RTEL1: variants seen among roughly 807,000 people sequenced by gnomAD.
RTEL1 encodes the protein regulator of telomere elongation helicase 1, also known as regulator of telomere length.
In RTEL1, 86 loss-of-function variants were observed where a neutral mutation model predicts 162.2. That is an observed-to-expected ratio of 0.53 (90% CI 0.45 to 0.63). RTEL1 has a LOEUF of 0.63. RTEL1 is among the 30% of genes least tolerant of loss of function. The pLI is 0.00. For missense variants in RTEL1, 1,941 were observed against 1,750.2 expected (o/e 1.11, Z -1.95); for synonymous variants, 958 against 717.9 (o/e 1.33, Z -5.35).
intron 9 of RTEL1, 145 bp from the exon 10 acceptor site, chr20:63,673,795 T>C: frequency 1.2e-6 from 1 of 826,766 alleles, no homozygotes; most frequent in South Asian, 1.7e-5. Flanking sequence ...TGGACCTACT[T>C]GTGGCCTTTT....
At chr20:63,693,115 A>G (rs1400060225) in intron 29 of RTEL1, 28 bp from the exon 30 acceptor site, 1 of 1,612,186 alleles carries the variant, frequency 6.2e-7, no homozygotes. Flanking sequence ...AAAGGGGCAG[A>G]TGGGGACAGA....
intron 22 of RTEL1, 89 bp from the exon 23 acceptor site, chr20:63,689,413 G>A (rs1427059632): frequency 2.7e-5 from 38 of 1,407,956 alleles, no homozygotes; most frequent in South Asian, 1.5e-4. Context: ...GGTTGGGGAC[G>A]GAGCCTCGGG....
intron 4 of RTEL1, 109 bp downstream of exon 4, chr20:63,662,052 C>G (rs879384141): frequency 4.5e-6 from 4 of 896,504 alleles, no homozygotes; most frequent in Non-Finnish European, 7.2e-6. Context: ...GGTGGTCTTT[C>G]TAGACGCTCC....
intron 8 of RTEL1, 24 bp from the exon 9 acceptor site, chr20:63,672,532 G>A: frequency 6.4e-7 from 1 of 1,557,456 alleles, no homozygotes; most frequent in Non-Finnish European, 8.7e-7. Context: ...CTCCAGCGCT[G>A]CGTCCCTTCT....
chr20:63,693,591 TCCACCTCCA>T (rs1568721089), intron 30 of RTEL1, among the ~76,000 whole-genome samples: 12 of 3,550 alleles, frequency 3.4e-3, no homozygotes, highest in South Asian at 0.014. Flanking sequence ...CACCACCACC[TCCACCTCCA>T]CCACCACCAC....
Position 63,661,585 on chromosome 20 carries a change from C to G in RTEL1, c.301+89C>G. 3 of 1,292,364 alleles carry G rather than the reference C, an allele frequency of 2.3e-6. No individual in the cohort carries two copies. The highest frequency in any genetic ancestry group is 3.2e-6 in the Non-Finnish European group (3 of 937,738). The allele number at this position is 1,292,364 out of a possible 1,614,324, so 80.1% of individuals were successfully genotyped here. A position where few individuals can be genotyped will look rare whatever the true frequency, so the allele number is the denominator to read the frequency against. On this transcript the variant is annotated intron_variant, in intron 3 of 34. Transcript: ENST00000360203. This position sits in a 1 kb window ranked among gnomAD's most constrained non-coding sequence, Gnocchi z 5.1. The stretch of plus-strand genomic sequence containing the variant: ...AGGGTGGGGTGGGCCCATGGGGACT[C>G]CTGCCGTCTCTCAAGCAGAACTCAA...
rs1332732473 is a variant in RTEL1 at position 63,693,136 on chromosome 20, T to C, written c.2852-7T>C. 5 of 1,612,086 alleles carry C rather than the reference T, an allele frequency of 3.1e-6. No homozygotes were observed. The highest frequency in any genetic ancestry group is 4.2e-6 in the Non-Finnish European group (5 of 1,179,598). ...GCAGATGGGGACAGACGCCCCTTCC[T>C]CTACAGGCTTCTACCAGTTTGTGCG... On this transcript the variant is annotated splice_polypyrimidine_tract_variant and splice_region_variant and intron_variant, in intron 29 of 34. Coordinates refer to ENST00000360203, the MANE Select transcript of RTEL1 (RefSeq NM_001283009.2).
intron 10 of RTEL1, among the ~76,000 whole-genome samples, chr20:63,677,549 G>A (rs1177853251): frequency 6.6e-6 from 1 of 152,222 alleles, no homozygotes; most frequent in African/African-American, 2.4e-5. Context: ...GGACATGGAG[G>A]TTGCAGTGAG....
rs562774604 is a variant in RTEL1 at position 63,667,604 on chromosome 20, T to G, written c.699+51T>G. On this transcript the variant is annotated intron_variant, in intron 8 of 34. Transcript: ENST00000360203. ...GACTCCTGATGTCCAGGGGTGTCCC[T>G]GGGCTTGGGAACAGCTGTCCGAGCC... 2.2e-4 allele frequency: 326 copies of G among 1,467,432 alleles called. 3 individuals are homozygous for G. In the East Asian group the frequency reaches 7.1e-3, roughly 32 times the overall value. The allele number at this position is 1,467,432 out of a possible 1,614,324, so 90.9% of individuals were successfully genotyped here. A position where few individuals can be genotyped will look rare whatever the true frequency, so the allele number is the denominator to read the frequency against.
rs776657996 is a variant in RTEL1, at chr20:63,690,306, G to T, written c.2278G>T (p.Ala760Ser). 2 of 1,605,276 alleles carry T rather than the reference G, an allele frequency of 1.2e-6. No individual in the cohort carries two copies. The change falls in exon 26 of 35, where the codon GCC becomes TCC. Residue 760 changes from alanine (A) to serine (S), a missense_variant. Physicochemically the swap from Ala to Ser is moderately conservative, Grantham distance 99. Coordinates refer to ENST00000360203, the MANE Select transcript of RTEL1 (RefSeq NM_001283009.2). ...RVAERTMPAPAPRATAPSVRG... is the reference protein window; with the variant it reads ...RVAERTMPAPSPRATAPSVRG... Reference sequence around the variant, plus strand: ...CATGGTTCTGCAGATGCCAGCGCCGGCCCCCCGGGCTACAGCACCCAGTGT... The same window carrying T: ...CATGGTTCTGCAGATGCCAGCGCCGTCCCCCCGGGCTACAGCACCCAGTGT...
rs1312215335 is a variant in RTEL1, at chr20:63,661,182, T to C, written c.103-116T>C. The C allele has an allele frequency of 3.3e-6, 3 of 897,550 alleles. No homozygotes were observed. The highest frequency in any genetic ancestry group is 3.3e-5 in the African/African-American group (2 of 60,066). 55.6% of individuals were successfully genotyped at this position (897,550 alleles called of 1,614,324 possible). On this transcript the variant is annotated intron_variant, in intron 2 of 34. Coordinates refer to ENST00000360203, the MANE Select transcript of RTEL1 (RefSeq NM_001283009.2). The surrounding 1 kb of genome is among the most constrained non-coding windows in gnomAD (Gnocchi z 5.1). ...CCACAGGGCTCTCGCCACCTGGCAG[T>C]GGCCTCTGCATCTGCAAAGAGCTGC...
In RTEL1 at chr20:63,659,342, G is replaced by A. The variant is rs140905272; in HGVS notation, c.-61G>A. The A allele has an allele frequency of 2.9e-5, 37 of 1,289,156 alleles. No individual in the cohort carries two copies. The East Asian group carries it at 6.9e-4, about 24-fold the overall frequency. The allele number at this position is 1,289,156 out of a possible 1,614,324, so 79.9% of individuals were successfully genotyped here. A position where few individuals can be genotyped will look rare whatever the true frequency, so the allele number is the denominator to read the frequency against. On this transcript the variant is annotated 5_prime_UTR_variant, in exon 2 of 35. Coordinates refer to ENST00000360203, the MANE Select transcript of RTEL1 (RefSeq NM_001283009.2). Reference sequence around the variant, plus strand: ...CTAAGATGTTCGGAGTGGTTTTTTCGCACAGACCCGAATAGCCTGCCCCTC... The same window carrying A: ...CTAAGATGTTCGGAGTGGTTTTTTCACACAGACCCGAATAGCCTGCCCCTC...
At chr20:63,680,765 G>C (rs746871602) in intron 14 of RTEL1, 46 bp downstream of exon 14, 1 of 1,610,132 alleles carries the variant, frequency 6.2e-7, no homozygotes, top group Non-Finnish European at 8.5e-7. Flanking sequence ...ATGGAAGCCG[G>C]GCGGGTGCCT....
At chr20:63,687,421 C>G (rs991560947) in intron 16 of RTEL1, 1 of 564,082 alleles carries the variant, frequency 1.8e-6, no homozygotes, top group Non-Finnish European at 3.1e-6. Context: ...CCTCCTACTC[C>G]CAGGACCCCC....
chr20:63,692,699 C>G (rs1374654860), intron 28 of RTEL1, 106 bp from the exon 29 acceptor site: 1 of 1,104,518 alleles, frequency 9.1e-7, no homozygotes, highest in Non-Finnish European at 1.3e-6. Context: ...CCCACCTCGG[C>G]AGTCACTGTC....
At chr20:63,676,296 G>T (rs576455348) in intron 10 of RTEL1, among the ~76,000 whole-genome samples, 2 of 152,074 alleles carry the variant, frequency 1.3e-5, no homozygotes, top group African/African-American at 4.8e-5. Context: ...AGCCCAGGCC[G>T]TTTACCCTGC....
At chr20:63,682,040 G>A (rs1166038635) in intron 14 of RTEL1, 58 of 985,336 alleles carry the variant, frequency 5.9e-5, no homozygotes, top group Non-Finnish European at 6.9e-5. Context: ...ATGGCCAGGC[G>A]AGGTAGCCCT....
chr20:63,658,152 G>A (rs1352757379), upstream of RTEL1: 1 of 152,330 alleles, frequency 6.6e-6, no homozygotes, highest in Admixed American at 6.5e-5. Flanking sequence ...CCAGATTTCT[G>A]CCTGTGGGCG....
intron 1 of RTEL1, 133 bp from the exon 2 acceptor site, chr20:63,659,100 C>T (rs955747776): frequency 5.9e-5 from 20 of 339,322 alleles, no homozygotes; most frequent in Admixed American, 1.1e-4. Context: ...TTCGCCCCGC[C>T]AGCTCCTCGA....
Sources: gnomAD v4.1 joint callset for allele counts (sites outside exome capture counted in the v4.1 genomes callset) on GRCh38, gnomAD v4.1.1 for gene constraint, Gnocchi (gnomAD v3.1) non-coding constraint, MANE v1.5 for transcripts, NCBI Gene and HGNC (gene_info 2026-07-23, HGNC 2026-07-21) for gene names.